DCC: variants seen among roughly 807,000 people sequenced by gnomAD.
The protein encoded by DCC is DCC netrin 1 receptor.
A neutral mutation model predicts 172.5 loss-of-function variants in DCC; 58 were observed. The ratio of observed to expected loss-of-function variants is 0.34; its 90% CI spans 0.27 to 0.42. The LOEUF is 0.42. Among genes scored for constraint, DCC ranks in the 10% least tolerant of loss-of-function variants. The pLI is 1.00. For synonymous variants in DCC, 709 were observed against 644.5 expected (o/e 1.10, Z -1.52); for missense variants, 1,740 against 1,791.0 (o/e 0.97, Z 0.51).
intron 2 of DCC, among the ~76,000 whole-genome samples, chr18:52,872,160 A>T (rs1650750248): frequency 6.6e-6 from 1 of 152,162 alleles, no homozygotes; most frequent in Admixed American, 6.6e-5. Context: ...CCCGCTCCCC[A>T]ATTGGGTTCA....
chr18:53,128,856 CACACACACACACACATATATATAT>C (rs1204394432), intron 7 of DCC, among the ~76,000 whole-genome samples: 4 of 74,890 alleles, frequency 5.3e-5, no homozygotes, highest in African/African-American at 2.1e-4. Flanking sequence ...CACACACACA[CACACACACACACACATATATATAT>C]ATATATATAT....
In DCC at chr18:52,344,040, A is replaced by G. The variant is rs541062380; in HGVS notation, c.91+3162A>G. On this transcript the variant is annotated intron_variant, in intron 1 of 28. Coordinates refer to ENST00000442544, the MANE Select transcript of DCC (RefSeq NM_005215.4). ...CACCACATGTGTTATATGTGAATAT[A>G]TTAGGCTTAGTGCCTTTGCTTTAAT... 5.3e-5 allele frequency among the ~76,000 whole-genome samples: 8 copies of G among 152,362 alleles called. No individual in the cohort carries two copies. The South Asian group carries it at 8.3e-4, about 16-fold the overall frequency.
intron 1 of DCC, among the ~76,000 whole-genome samples, chr18:52,495,971 G>C (rs973092372): frequency 6.6e-6 from 1 of 151,924 alleles, no homozygotes; most frequent in Non-Finnish European, 1.5e-5. Flanking sequence ...TGTTTATAAG[G>C]AGGATTAGAT....
chr18:52,429,858 A>G (rs1414137336), intron 1 of DCC, among the ~76,000 whole-genome samples: 3 of 152,164 alleles, frequency 2.0e-5, no homozygotes, highest in Non-Finnish European at 2.9e-5. Flanking sequence ...ATAGAGAAGG[A>G]AAAGCAGATT....
chr18:52,341,931 G>T (rs1156855300), intron 1 of DCC, among the ~76,000 whole-genome samples: 2 of 152,140 alleles, frequency 1.3e-5, no homozygotes, highest in Non-Finnish European at 2.9e-5. Context: ...GGAAAAACAG[G>T]CTCAGGCAGA....
chr18:53,522,070 T>G (rs1470966194), intron 27 of DCC, among the ~76,000 whole-genome samples: 2 of 152,118 alleles, frequency 1.3e-5, no homozygotes, highest in Non-Finnish European at 2.9e-5. Context: ...GGTAGATACC[T>G]TCTCAAGGTT....
intron 12 of DCC, among the ~76,000 whole-genome samples, chr18:53,292,067 C>A (rs777488150): frequency 9.2e-5 from 14 of 151,976 alleles, no homozygotes; most frequent in Non-Finnish European, 1.9e-4. Context: ...TAGGTACACA[C>A]CAAACTCACT....
At chr18:53,277,637 T>C (rs1355629768) in intron 12 of DCC, among the ~76,000 whole-genome samples, 1 of 152,094 alleles carries the variant, frequency 6.6e-6, no homozygotes, top group Non-Finnish European at 1.5e-5. Flanking sequence ...TGAGCTAGTC[T>C]CCCAGTGAAA....
intron 1 of DCC, among the ~76,000 whole-genome samples, chr18:52,350,526 G>A (rs930404774): frequency 1.8e-4 from 27 of 152,060 alleles, no homozygotes; most frequent in African/African-American, 6.0e-4. Context: ...GGGCCTACTG[G>A]GGAGTTGGGG....
chr18:53,327,399 A>T (rs931609036), intron 14 of DCC, among the ~76,000 whole-genome samples: 2 of 152,130 alleles, frequency 1.3e-5, no homozygotes, highest in Admixed American at 1.3e-4. Context: ...TGATAGAGTG[A>T]TAGAGTTCAA....
At chr18:53,089,666 G>A (rs2144173169) in intron 7 of DCC, among the ~76,000 whole-genome samples, 1 of 152,090 alleles carries the variant, frequency 6.6e-6, no homozygotes, top group Admixed American at 6.5e-5. Context: ...TTGACACAGT[G>A]CCTACTGTGC....
chr18:52,418,862 T>TTTC (rs1277285194), intron 1 of DCC, among the ~76,000 whole-genome samples: 1 of 107,218 alleles, frequency 9.3e-6, no homozygotes, highest in Non-Finnish European at 2.2e-5. Context: ...TTCTTTCTTT[T>TTTC]TTTTTTTTTT....
In DCC at chr18:53,478,300, G is replaced by A. The variant is rs112091880; in HGVS notation, c.3737-8497G>A. Reference sequence around the variant, plus strand: ...CTTGGGTGAGCGACTTAATTTGGATGAGAGCATTCCTTGAAGAAAGATTTA... The same window carrying A: ...CTTGGGTGAGCGACTTAATTTGGATAAGAGCATTCCTTGAAGAAAGATTTA... On this transcript the variant is annotated intron_variant, in intron 25 of 28. Coordinates refer to ENST00000442544, the MANE Select transcript of DCC (RefSeq NM_005215.4). Among the ~76,000 whole-genome samples the A allele has an allele frequency of 8.9e-3, 1,347 of 152,186 alleles. 14 individuals are homozygous for A. Among genetic ancestry groups the A allele is most frequent in the African/African-American group, 0.03 (1,237 of 41,500 alleles).
At chr18:52,796,343 G>A (rs546921315) in intron 2 of DCC, among the ~76,000 whole-genome samples, 2 of 151,906 alleles carry the variant, frequency 1.3e-5, no homozygotes, top group South Asian at 4.2e-4. Context: ...ATCATGGTTT[G>A]GTGATTTTCA....
At chr18:53,164,551 G>A (rs866836146) in intron 8 of DCC, among the ~76,000 whole-genome samples, 8 of 152,126 alleles carry the variant, frequency 5.3e-5, no homozygotes, top group African/African-American at 1.9e-4. Flanking sequence ...TCAAATCCTG[G>A]CTTGTTATTT....
chr18:53,021,720 T>C (rs184565179), intron 5 of DCC, among the ~76,000 whole-genome samples: 11 of 152,348 alleles, frequency 7.2e-5, no homozygotes, highest in Non-Finnish European at 1.6e-4. Flanking sequence ...CTTGCAGATG[T>C]ACTGTAACAG....
intron 12 of DCC, among the ~76,000 whole-genome samples, chr18:53,235,826 T>C (rs1486533977): frequency 6.6e-6 from 1 of 152,134 alleles, no homozygotes; most frequent in Non-Finnish European, 1.5e-5. Flanking sequence ...ACTTTCTGTC[T>C]CTGAATTTGC....
In DCC at chr18:53,297,195, T is replaced by G. The variant is rs544756631; in HGVS notation, c.1912-8383T>G. ...CTACAGTGGAGAAAACAGAAAGCAGTGTTTTAATGGATCCCAGGAAAAGGC... is the reference window on the plus strand; with the variant it reads ...CTACAGTGGAGAAAACAGAAAGCAGGGTTTTAATGGATCCCAGGAAAAGGC... On this transcript the variant is annotated intron_variant, in intron 12 of 28. Transcript: ENST00000442544. 1.4e-3 allele frequency among the ~76,000 whole-genome samples: 209 copies of G among 152,292 alleles called. 1 individual carries two copies. The highest frequency in any genetic ancestry group is 4.9e-3 in the African/African-American group (203 of 41,564).
chr18:52,521,791 T>A (rs551006772), intron 1 of DCC, among the ~76,000 whole-genome samples: 25 of 152,306 alleles, frequency 1.6e-4, no homozygotes, highest in African/African-American at 5.5e-4. Flanking sequence ...CTCTTCTATG[T>A]TGACTAAAGG....
Sources: allele counts gnomAD v4.1 joint callset (sites outside exome capture counted in the v4.1 genomes callset), GRCh38; gene constraint gnomAD v4.1.1; transcripts MANE v1.5; gene names NCBI Gene and HGNC (gene_info 2026-07-23, HGNC 2026-07-21).